The following ENTREP2 variants were observed in gnomAD, a reference collection of about 807,000 sequenced individuals.
ENTREP2 encodes the protein protein ENTREP2.
At chr15:29,203,100 A>G in the ENTREP2 span, among the ~76,000 whole-genome samples, 1 of 152,204 alleles carries the variant, frequency 6.6e-6, no homozygotes, top group East Asian at 1.9e-4. Flanking sequence ...ACACTCCCAC[A>G]ACAGTATAAA....
the ENTREP2 span, among the ~76,000 whole-genome samples, chr15:29,517,303 AATAAT>A: frequency 6.6e-6 from 1 of 152,174 alleles, no homozygotes; most frequent in Non-Finnish European, 1.5e-5. Flanking sequence ...CAACTGTTAG[AATAAT>A]TCTACAAGAT....
the ENTREP2 span, among the ~76,000 whole-genome samples, chr15:29,206,971 C>G: frequency 2.0e-5 from 3 of 152,122 alleles, no homozygotes; most frequent in African/African-American, 7.2e-5. Flanking sequence ...CCACTGTCTC[C>G]CCGGCATAAA....
At chr15:29,378,929 T>C in the ENTREP2 span, among the ~76,000 whole-genome samples, 2 of 152,194 alleles carry the variant, frequency 1.3e-5, no homozygotes, top group African/African-American at 2.4e-5. Context: ...TTACTCCTCA[T>C]AAAGCCAAAG....
chr15:29,545,613 A>T, the ENTREP2 span, among the ~76,000 whole-genome samples: 1 of 152,182 alleles, frequency 6.6e-6, no homozygotes, highest in African/African-American at 2.4e-5. Context: ...TTATAAGAGT[A>T]GGTACATGAC....
chr15:29,638,367 G>C, the ENTREP2 span, among the ~76,000 whole-genome samples: 7 of 152,210 alleles, frequency 4.6e-5, no homozygotes, highest in African/African-American at 1.7e-4. Flanking sequence ...GTCCCTGCAA[G>C]TCATAACCAA....
At chr15:29,415,402 A>ATG in the ENTREP2 span, among the ~76,000 whole-genome samples, 1 of 152,200 alleles carries the variant, frequency 6.6e-6, no homozygotes, top group Non-Finnish European at 1.5e-5. Flanking sequence ...GACAAAAACC[A>ATG]CGATTATCTC....
At chr15:29,297,182 T>G in the ENTREP2 span, among the ~76,000 whole-genome samples, 1 of 152,198 alleles carries the variant, frequency 6.6e-6, no homozygotes, top group South Asian at 2.1e-4. Context: ...ACATTTACAA[T>G]GTCCAGCATA....
the ENTREP2 span, among the ~76,000 whole-genome samples, chr15:29,621,780 A>T: frequency 6.6e-6 from 1 of 152,256 alleles, no homozygotes; most frequent in East Asian, 1.9e-4. Flanking sequence ...TACATGCCAA[A>T]GAAAGCAGGG....
the ENTREP2 span, among the ~76,000 whole-genome samples, chr15:29,473,955 A>G: frequency 6.6e-6 from 1 of 150,690 alleles, no homozygotes; most frequent in Non-Finnish European, 1.5e-5. Flanking sequence ...GGACTCCCAC[A>G]TCAAGCTGGG....
the ENTREP2 span, among the ~76,000 whole-genome samples, chr15:29,186,790 C>A: frequency 6.6e-6 from 1 of 152,136 alleles, no homozygotes; most frequent in South Asian, 2.1e-4. Context: ...CTTTCTCTTT[C>A]TTTGTTCTGG....
At chr15:29,568,710 CAAAAAAAA>C in the ENTREP2 span, among the ~76,000 whole-genome samples, 158 of 128,212 alleles carry the variant, frequency 1.2e-3, 1 homozygote, top group East Asian at 6.4e-3. Flanking sequence ...CCTCTTAAGG[CAAAAAAAA>C]AAAAAAAAAA....
the ENTREP2 span, among the ~76,000 whole-genome samples, chr15:29,537,628 G>A: frequency 1.1e-4 from 16 of 152,078 alleles, no homozygotes; most frequent in Admixed American, 9.2e-4. Flanking sequence ...TCTCCACTTT[G>A]CGACCCTGGC....
the ENTREP2 span, among the ~76,000 whole-genome samples, chr15:29,130,589 G>C: frequency 5.9e-5 from 9 of 152,168 alleles, no homozygotes; most frequent in Admixed American, 2.6e-4. Flanking sequence ...AAAATATACA[G>C]TGGGACAAGG....
the ENTREP2 span, among the ~76,000 whole-genome samples, chr15:29,337,570 C>G: frequency 4.6e-5 from 7 of 152,248 alleles, no homozygotes; most frequent in African/African-American, 1.4e-4. Flanking sequence ...AAATAGATCC[C>G]TAGAGAGCGT....
chr15:29,636,508 C>T, the ENTREP2 span, among the ~76,000 whole-genome samples: 1 of 152,190 alleles, frequency 6.6e-6, no homozygotes, highest in African/African-American at 2.4e-5. Flanking sequence ...GAAGAATGAA[C>T]ATTGGTTGCT....
the ENTREP2 span, among the ~76,000 whole-genome samples, chr15:29,404,126 C>G: frequency 0.75 from 113,394 of 151,988 alleles, 43,296 homozygotes; most frequent in African/African-American, 0.91. Flanking sequence ...GAAGGGGGCA[C>G]GAGGCTGGAT....
chr15:29,595,726 A>G, the ENTREP2 span, among the ~76,000 whole-genome samples: 1 of 152,064 alleles, frequency 6.6e-6, no homozygotes, highest in Non-Finnish European at 1.5e-5. Context: ...TCTATCCTTC[A>G]TTCACCTACT....
chr15:29,537,846 C>T, the ENTREP2 span, among the ~76,000 whole-genome samples: 1 of 152,138 alleles, frequency 6.6e-6, no homozygotes, highest in Non-Finnish European at 1.5e-5. Context: ...TCACTGCACT[C>T]CGCTGGCCTC....
chr15:29,405,469 T>C, the ENTREP2 span, among the ~76,000 whole-genome samples: 1 of 151,932 alleles, frequency 6.6e-6, no homozygotes. Flanking sequence ...TCTTTATCCC[T>C]TGGAGTAAGT....
Sources: gnomAD v4.1 joint callset for allele counts (sites outside exome capture counted in the v4.1 genomes callset) on GRCh38, gnomAD v4.1.1 for gene constraint, MANE v1.5 for transcripts, NCBI Gene and HGNC (gene_info 2026-07-23, HGNC 2026-07-21) for gene names.